The following KIF6 variants were observed in gnomAD, a reference collection of about 807,000 sequenced individuals.
The protein encoded by KIF6 is kinesin-like protein KIF6.
Under a neutral mutation model 112.7 loss-of-function variants are expected in KIF6, and 106 were observed. The ratio of observed to expected loss-of-function variants is 0.94; its 90% CI spans 0.80 to 1.11. KIF6 has a LOEUF of 1.11. Among genes scored for constraint, KIF6 ranks in the 50% least tolerant of loss-of-function variants. The pLI is 0.00. For synonymous variants in KIF6, 339 were observed against 339.9 expected (o/e 1.00, Z 0.03); for missense variants, 929 against 964.0 (o/e 0.96, Z 0.48).
At chr6:39,418,226 T>A (rs2150362071) in intron 15 of KIF6, among the ~76,000 whole-genome samples, 1 of 152,312 alleles carries the variant, frequency 6.6e-6, no homozygotes, top group East Asian at 1.9e-4. Context: ...CTCATGCAGT[T>A]TTAGGATGTT....
chr6:39,650,744 T>G (rs1785426017), intron 3 of KIF6, among the ~76,000 whole-genome samples: 3 of 152,038 alleles, frequency 2.0e-5, no homozygotes, highest in South Asian at 4.1e-4. Flanking sequence ...CTATAGAAAT[T>G]TATTAGGACA....
chr6:39,691,729 CA>C (rs1788223701), intron 3 of KIF6: 1 of 152,142 alleles, frequency 6.6e-6, no homozygotes, highest in Admixed American at 6.6e-5. Flanking sequence ...ATATTAGCAT[CA>C]AATGGAACAA....
At position 39,615,936 on chromosome 6, in the gene KIF6, G is replaced by A. The variant is rs549011697; in HGVS notation, c.510-2618C>T. Among the ~76,000 whole-genome samples the A allele has an allele frequency of 3.3e-5, 5 of 151,904 alleles. No homozygotes were observed. In the South Asian group the frequency reaches 6.3e-4, roughly 19 times the overall value. On this transcript the variant is annotated intron_variant, in intron 5 of 22. Transcript: ENST00000287152. Reference sequence around the variant, plus strand: ...CACACAATAACTAACGCTCAACTGGGGATTATGGGTCTCCCTAAACATCCA... The same window carrying A: ...CACACAATAACTAACGCTCAACTGGAGATTATGGGTCTCCCTAAACATCCA...
chr6:39,690,016 T>G (rs1418577605), intron 3 of KIF6: 6 of 152,238 alleles, frequency 3.9e-5, no homozygotes, highest in Non-Finnish European at 8.8e-5. Flanking sequence ...CATTTTTAAT[T>G]ATCTAATTAA....
chr6:39,635,653 T>C (rs1395327894), intron 4 of KIF6, among the ~76,000 whole-genome samples: 1 of 152,018 alleles, frequency 6.6e-6, no homozygotes, highest in Non-Finnish European at 1.5e-5. Flanking sequence ...TGAAATGCAA[T>C]GACATAGGCA....
At chr6:39,676,705 T>C (rs901327726) in intron 3 of KIF6, among the ~76,000 whole-genome samples, 1 of 152,006 alleles carries the variant, frequency 6.6e-6, no homozygotes, top group Non-Finnish European at 1.5e-5. Flanking sequence ...CTTTATAAAG[T>C]CAAGTATGTT....
intron 8 of KIF6, among the ~76,000 whole-genome samples, chr6:39,585,285 T>G (rs898286188): frequency 6.6e-6 from 1 of 152,188 alleles, no homozygotes; most frequent in Non-Finnish European, 1.5e-5. Context: ...TAGATTCTCA[T>G]AAGGAGCGGG....
At chr6:39,569,134 T>C (rs1174208971) in intron 10 of KIF6, among the ~76,000 whole-genome samples, 1 of 152,160 alleles carries the variant, frequency 6.6e-6, no homozygotes, top group Non-Finnish European at 1.5e-5. Flanking sequence ...TTTTGAAATG[T>C]TTTTAATAGT....
At chr6:39,374,975 C>T (rs1013237894) in intron 16 of KIF6, among the ~76,000 whole-genome samples, 9 of 152,160 alleles carry the variant, frequency 5.9e-5, no homozygotes, top group African/African-American at 2.2e-4. Flanking sequence ...AACCCATCAA[C>T]AGATGAATGG....
At chr6:39,479,627 T>C (rs1010026974) in intron 13 of KIF6, among the ~76,000 whole-genome samples, 2 of 152,300 alleles carry the variant, frequency 1.3e-5, no homozygotes, top group Admixed American at 1.3e-4. Context: ...TTTCTAGTTC[T>C]GTAAAGAATG....
intron 13 of KIF6, among the ~76,000 whole-genome samples, chr6:39,526,930 A>G (rs1777773169): frequency 2.0e-5 from 3 of 152,256 alleles, no homozygotes; most frequent in Non-Finnish European, 1.5e-5. Context: ...AAGGCCTGCA[A>G]CAAAGCAAGC....
At chr6:39,573,719 C>T (rs1780768915) in intron 10 of KIF6, among the ~76,000 whole-genome samples, 1 of 152,210 alleles carries the variant, frequency 6.6e-6, no homozygotes, top group Non-Finnish European at 1.5e-5. Flanking sequence ...ACTAGTTTTA[C>T]ATGATTCCTG....
chr6:39,360,042 A>G (rs968507389), intron 18 of KIF6, among the ~76,000 whole-genome samples: 4 of 152,206 alleles, frequency 2.6e-5, no homozygotes, highest in African/African-American at 9.7e-5. Flanking sequence ...TAAAATTTCT[A>G]TAATTCATAT....
intron 13 of KIF6, among the ~76,000 whole-genome samples, chr6:39,474,379 C>A (rs1052573886): frequency 6.6e-6 from 1 of 152,154 alleles, no homozygotes; most frequent in African/African-American, 2.4e-5. Flanking sequence ...TCGTAGGTAG[C>A]CTCTATTCAG....
intron 13 of KIF6, among the ~76,000 whole-genome samples, chr6:39,443,928 A>G (rs1772137409): frequency 6.6e-6 from 1 of 152,210 alleles, no homozygotes; most frequent in Admixed American, 6.5e-5. Flanking sequence ...AAGGAAGGGG[A>G]AATTTAATTT....
intron 17 of KIF6, 45 bp from the exon 18 acceptor site, chr6:39,360,575 G>A (rs372897992): frequency 6.2e-6 from 10 of 1,611,820 alleles, no homozygotes; most frequent in South Asian, 1.1e-5. Flanking sequence ...TGTCTTGAAA[G>A]CACGGCATGG....
At chr6:39,501,149 C>T (rs1004348078) in intron 13 of KIF6, among the ~76,000 whole-genome samples, 1 of 152,078 alleles carries the variant, frequency 6.6e-6, no homozygotes, top group Non-Finnish European at 1.5e-5. Context: ...CACCCCTAGC[C>T]AAAGGAAGCA....
chr6:39,348,341 G>A (rs1206955102), intron 19 of KIF6, among the ~76,000 whole-genome samples: 6 of 152,100 alleles, frequency 3.9e-5, no homozygotes, highest in Admixed American at 3.9e-4. Context: ...AGGGTAGAAG[G>A]GCACGATCAC....
At chr6:39,371,451 T>C (rs914024992) in intron 16 of KIF6, among the ~76,000 whole-genome samples, 1 of 152,176 alleles carries the variant, frequency 6.6e-6, no homozygotes, top group Non-Finnish European at 1.5e-5. Flanking sequence ...TGTTTCTTCA[T>C]GGGAGACTTC....
Sources: gnomAD v4.1 joint callset for allele counts (sites outside exome capture counted in the v4.1 genomes callset) on GRCh38, gnomAD v4.1.1 for gene constraint, MANE v1.5 for transcripts, NCBI Gene and HGNC (gene_info 2026-07-23, HGNC 2026-07-21) for gene names.